The following SS18L1 variants were observed in gnomAD, a reference collection of about 807,000 sequenced individuals.
SS18L1 encodes calcium-responsive transactivator.
SS18L1 carries 32 observed loss-of-function variants against 70.3 expected under a neutral mutation model. The ratio of observed to expected loss-of-function variants is 0.46; its 90% CI spans 0.34 to 0.61. SS18L1 has a LOEUF of 0.61. Among genes scored for constraint, SS18L1 ranks in the 20% least tolerant of loss-of-function variants. The probability of loss-of-function intolerance (pLI) is 0.01; values close to 1 mark genes in which losing one functional copy is unlikely to be tolerated. For missense variants in SS18L1, 430 were observed against 542.1 expected (o/e 0.79, Z 2.05); for synonymous variants, 237 against 229.7 (o/e 1.03, Z -0.29).
Position 62,172,669 on chromosome 20 carries a change from C to A in SS18L1, c.917-13C>A, listed in dbSNP as rs761991657. ...GTGGGGAAAGTCATTTCTGTGTCTC[C>A]TCCTCCCTCCAGGAAACTCCCAGTA... On this transcript the variant is annotated splice_polypyrimidine_tract_variant and intron_variant, in intron 8 of 10. Transcript: ENST00000331758. The A allele has an allele frequency of 1.2e-5, 19 of 1,614,172 alleles. No individual in the cohort carries two copies. Among genetic ancestry groups the A allele is most frequent in the South Asian group, 7.7e-5 (7 of 91,084 alleles).
At chr20:62,154,549 C>G in intron 1 of SS18L1, 2 of 1,014,652 alleles carry the variant, frequency 2.0e-6, no homozygotes, top group Non-Finnish European at 2.4e-6. Context: ...GTCATCACAC[C>G]TCAGGGGGTG....
intron 10 of SS18L1, 51 bp from the exon 11 acceptor site, chr20:62,179,131 T>G (rs2057670741): frequency 2.5e-6 from 4 of 1,609,340 alleles, no homozygotes; most frequent in East Asian, 4.5e-5. Flanking sequence ...ACGTCTGTCT[T>G]CCTTTCACTC....
At position 62,174,955 on chromosome 20, in the gene SS18L1, GGT is replaced by G. The variant is rs1806913639; in HGVS notation, c.1164+317_1164+318del. 1 of 971,560 alleles carries G rather than the reference GGT, an allele frequency of 1.0e-6. No homozygotes were observed. The highest frequency in any genetic ancestry group is 6.2e-5 in the Admixed American group (1 of 16,248). The allele number at this position is 971,560 out of a possible 1,614,324, so 60.2% of individuals were successfully genotyped here. ...CGCGTCCGGTCTCTGCTGAGTGCTT[GGT>G]GTGTGGCCGCGACACGAACCCTGCA... is the stretch of plus-strand genomic sequence containing the variant. On this transcript the variant is annotated intron_variant, in intron 10 of 10. Transcript: ENST00000331758. This position sits in a 1 kb window ranked among gnomAD's most constrained non-coding sequence, Gnocchi z 4.1.
At chr20:62,153,915 G>T (rs1311152351) in intron 1 of SS18L1, among the ~76,000 whole-genome samples, 1 of 152,026 alleles carries the variant, frequency 6.6e-6, no homozygotes, top group Non-Finnish European at 1.5e-5. Flanking sequence ...GAATTCCCAC[G>T]CTCCCTTCAC....
rs1046049224 is a variant in SS18L1, at chr20:62,180,482, C to T, written c.*1274C>T. 1 of 182,644 alleles carries T rather than the reference C, an allele frequency of 5.5e-6. No homozygotes were observed. The highest frequency in any genetic ancestry group is 2.4e-5 in the African/African-American group (1 of 42,532). 11.3% of individuals were successfully genotyped at this position (182,644 alleles called of 1,614,324 possible). A position where few individuals can be genotyped will look rare whatever the true frequency, so the allele number is the denominator to read the frequency against. On this transcript the variant is annotated 3_prime_UTR_variant, in exon 11 of 11. Coordinates refer to ENST00000331758, the MANE Select transcript of SS18L1 (RefSeq NM_198935.3). ...TTGCTATGAATCCTTTTAAAAAAAT[C>T]TTTGGATAAATGCTGACAGATTTCC...
Position 62,158,875 on chromosome 20 carries a change from G to A in SS18L1, c.146+127G>A, listed in dbSNP as rs2057273003. On this transcript the variant is annotated intron_variant, in intron 2 of 10. Coordinates refer to ENST00000331758, the MANE Select transcript of SS18L1 (RefSeq NM_198935.3). This position sits in a 1 kb window ranked among gnomAD's most constrained non-coding sequence, Gnocchi z 4.5. ...AAGTCCCAGGAGTCCCCAGCACGGA[G>A]GCCAGATATGTCCCAGGAGTCCCCT... 3.1e-6 allele frequency: 5 copies of A among 1,607,064 alleles called. No individual in the cohort carries two copies. In the South Asian group the frequency reaches 3.3e-5, roughly 11 times the overall value.
At chr20:62,166,947 A>G (rs548326528) in intron 8 of SS18L1, among the ~76,000 whole-genome samples, 4 of 151,786 alleles carry the variant, frequency 2.6e-5, no homozygotes, top group Admixed American at 6.6e-5. Context: ...AAAGAAATAA[A>G]AAAAAGAAAT....
Position 62,143,771 on chromosome 20 carries a change from A to T in SS18L1, c.-50A>T, listed in dbSNP as rs371311562. On this transcript the variant is annotated 5_prime_UTR_variant, in exon 1 of 11. Transcript: ENST00000331758. ...ATGAGCGCCTCGGGCCGCCCAGCGC[A>T]GCCGGAGTATCCACCTCGATGACCA... 2 of 1,276,510 alleles carry T rather than the reference A, an allele frequency of 1.6e-6. No individual in the cohort carries two copies. Among genetic ancestry groups the T allele is most frequent in the Non-Finnish European group, 2.0e-6 (2 of 975,870 alleles). The allele number at this position is 1,276,510 out of a possible 1,614,324, so 79.1% of individuals were successfully genotyped here.
intron 8 of SS18L1, among the ~76,000 whole-genome samples, 191 bp downstream of exon 8, chr20:62,165,705 T>C (rs1256206397): frequency 6.6e-6 from 1 of 152,094 alleles, no homozygotes; most frequent in Non-Finnish European, 1.5e-5. Flanking sequence ...CCGCTTGCCT[T>C]ATGGGTGTGT....
At chr20:62,168,402 C>T (rs6062102) in intron 8 of SS18L1, among the ~76,000 whole-genome samples, 13,622 of 152,144 alleles carry the variant, frequency 0.09, 1,952 homozygotes, top group African/African-American at 0.3. Flanking sequence ...GCGGATGTGT[C>T]ATAGCCACCT....
In SS18L1 at chr20:62,160,146, A is replaced by G. The variant is rs528920767; in HGVS notation, c.231+185A>G. On this transcript the variant is annotated intron_variant, in intron 3 of 10. Coordinates refer to ENST00000331758, the MANE Select transcript of SS18L1 (RefSeq NM_198935.3). Reference sequence around the variant, plus strand: ...CAACCCTTCCTGACAGACTGGGAGTAATGACAGCGTCTGAGGTGGCCAGGT... The same window carrying G: ...CAACCCTTCCTGACAGACTGGGAGTGATGACAGCGTCTGAGGTGGCCAGGT... Among the ~76,000 whole-genome samples, 7 of 147,714 alleles carry G rather than the reference A, an allele frequency of 4.7e-5. No homozygotes were observed. The South Asian group carries it at 1.5e-3, about 33-fold the overall frequency.
intron 1 of SS18L1, among the ~76,000 whole-genome samples, chr20:62,146,776 C>A (rs903237449): frequency 6.6e-6 from 1 of 151,956 alleles, no homozygotes; most frequent in African/African-American, 2.4e-5. Context: ...CGTGCCACCA[C>A]GCCCGGCTAA....
At chr20:62,176,535 C>G (rs1398124157) in intron 10 of SS18L1, among the ~76,000 whole-genome samples, 1 of 151,562 alleles carries the variant, frequency 6.6e-6, no homozygotes, top group Non-Finnish European at 1.5e-5. Flanking sequence ...AAAAGAAAGG[C>G]CAGGCGTGGG....
In SS18L1 at chr20:62,179,585, A is replaced by G. The variant is rs1055959157; in HGVS notation, c.*377A>G. ...CACCACAGTCCACCTGTTCCCGTCA[A>G]CAGACGTTAGGTCTCATTTTCCTCC... On this transcript the variant is annotated 3_prime_UTR_variant, in exon 11 of 11. Coordinates refer to ENST00000331758, the MANE Select transcript of SS18L1 (RefSeq NM_198935.3). 6.3e-6 allele frequency: 2 copies of G among 316,542 alleles called. No individual in the cohort carries two copies. Among genetic ancestry groups the G allele is most frequent in the Non-Finnish European group, 5.9e-6 (1 of 168,106 alleles). 19.6% of individuals were successfully genotyped at this position (316,542 alleles called of 1,614,324 possible). A position where few individuals can be genotyped will look rare whatever the true frequency, so the allele number is the denominator to read the frequency against.
intron 3 of SS18L1, among the ~76,000 whole-genome samples, chr20:62,160,648 T>C (rs1468139432): frequency 6.6e-6 from 1 of 152,208 alleles, no homozygotes; most frequent in Non-Finnish European, 1.5e-5. Flanking sequence ...TCTGTCCTGC[T>C]GACGGGGTTC....
At chr20:62,151,951 G>A (rs561539984) in intron 1 of SS18L1, among the ~76,000 whole-genome samples, 3 of 138,356 alleles carry the variant, frequency 2.2e-5, no homozygotes, top group African/African-American at 8.4e-5. Flanking sequence ...CCCCAGAGCT[G>A]GCCTCCCCCG....
intron 1 of SS18L1, among the ~76,000 whole-genome samples, chr20:62,145,442 T>C (rs1053916104): frequency 6.6e-6 from 1 of 152,208 alleles, no homozygotes; most frequent in Admixed American, 6.5e-5. Flanking sequence ...GGTCAAGCTC[T>C]AGGCTCAGAG....
rs2057356260 is a variant in SS18L1 at position 62,162,901 on chromosome 20, C to T, written c.526C>T (p.Arg176Trp). The change falls in exon 5 of 11, where the codon CGG (arginine) becomes TGG (tryptophan). Residue 176 changes from arginine to tryptophan, a missense_variant. Arg to Trp is a moderately radical substitution (Grantham distance 101). Transcript: ENST00000331758. ...AGGCACCATCGGCAACTACGTGTCTCGGACCAACATCAACATGCAGTCCAA... is the reference window on the plus strand; with the variant it reads ...AGGCACCATCGGCAACTACGTGTCTTGGACCAACATCAACATGCAGTCCAA... ...GQGTIGNYVSRTNINMQSNPV... is the reference protein window; with the variant it reads ...GQGTIGNYVSWTNINMQSNPV... The T allele has an allele frequency of 5.0e-6, 8 of 1,612,748 alleles. No homozygotes were observed. Among genetic ancestry groups the T allele is most frequent in the Admixed American group, 1.7e-5 (1 of 59,992 alleles).
At position 62,174,755 on chromosome 20, in the gene SS18L1, A is replaced by G. The variant is rs143698426; in HGVS notation, c.1164+111A>G. ...AATGAGCTGGAACTAACTGGCTTCC[A>G]GGGTTCCTTCCAGAACGTTAAGTCT... On this transcript the variant is annotated intron_variant, in intron 10 of 10. Transcript: ENST00000331758. The surrounding 1 kb of genome is among the most constrained non-coding windows in gnomAD (Gnocchi z 4.1). The G allele has an allele frequency of 5.6e-6, 9 of 1,601,806 alleles. No individual in the cohort carries two copies. The East Asian group carries it at 1.6e-4, about 28-fold the overall frequency.
Sources: allele counts gnomAD v4.1 joint callset (sites outside exome capture counted in the v4.1 genomes callset), GRCh38; gene constraint gnomAD v4.1.1; non-coding constraint Gnocchi (gnomAD v3.1); transcripts MANE v1.5; gene names NCBI Gene and HGNC (gene_info 2026-07-23, HGNC 2026-07-21).